NPRL3: variants seen among roughly 807,000 people sequenced by gnomAD.
NPRL3 encodes the protein GATOR1 complex protein NPRL3.
A neutral mutation model predicts 57.2 loss-of-function variants in NPRL3; 23 were observed. The ratio of observed to expected loss-of-function variants is 0.40; its 90% CI spans 0.29 to 0.57. NPRL3 has a LOEUF of 0.57. Among genes scored for constraint, NPRL3 ranks in the 20% least tolerant of loss-of-function variants. The pLI is 0.42. For missense variants in NPRL3, 691 were observed against 767.1 expected (o/e 0.90, Z 1.17); for synonymous variants, 333 against 321.1 (o/e 1.04, Z -0.39).
intron 5 of NPRL3, among the ~76,000 whole-genome samples, chr16:113,906 A>C (rs1292125748): frequency 6.6e-6 from 1 of 152,212 alleles, no homozygotes; most frequent in Non-Finnish European, 1.5e-5. Flanking sequence ...GGATGGACTT[A>C]CAACAAGGCA....
chr16:99,449 C>G (rs1336943040), intron 8 of NPRL3, among the ~76,000 whole-genome samples: 6 of 151,692 alleles, frequency 4.0e-5, no homozygotes, highest in Admixed American at 2.6e-4. Context: ...TCAAGACGAG[C>G]CTGGCCAACA....
chr16:114,390 C>A (rs1332205178), intron 5 of NPRL3, among the ~76,000 whole-genome samples: 1 of 152,202 alleles, frequency 6.6e-6, no homozygotes, highest in Non-Finnish European at 1.5e-5. Context: ...TTTCACCATA[C>A]ACGACATAAA....
chr16:137,598 G>A (rs1016458916), intron 2 of NPRL3, among the ~76,000 whole-genome samples: 1 of 150,836 alleles, frequency 6.6e-6, no homozygotes, highest in Non-Finnish European at 1.5e-5. Flanking sequence ...TGCCCAGGCT[G>A]GAATCCAGTG....
In NPRL3 at chr16:88,793, C is replaced by T. The variant is rs376164029; in HGVS notation, c.1449G>A (p.Thr483=). ...CCGACAGGCTGGCCAGCAGGTTCTCCGTCATCCTCTGGTTCAGTGGCGAGT... is the reference window on the plus strand; with the variant it reads ...CCGACAGGCTGGCCAGCAGGTTCTCTGTCATCCTCTGGTTCAGTGGCGAGT... ...SGDSPLNQRM[T]ENLLASLSEH... Residue 483 remains threonine, a synonymous_variant, in exon 13 of 14, where the codon ACG becomes ACA. Coordinates refer to ENST00000611875, the MANE Select transcript of NPRL3 (RefSeq NM_001077350.3). The T allele has an allele frequency of 2.1e-5, 34 of 1,613,594 alleles. 1 individual carries two copies. The highest frequency in any genetic ancestry group is 4.0e-5 in the African/African-American group (3 of 75,036).
intron 12 of NPRL3, 158 bp from the exon 13 acceptor site, chr16:89,048 G>C (rs947644980): frequency 1.8e-5 from 12 of 670,918 alleles, no homozygotes; most frequent in Middle Eastern, 8.0e-4. Context: ...CCACCTCCTG[G>C]GTGTGACACG....
At chr16:114,439 C>T (rs1273580482) in intron 5 of NPRL3, among the ~76,000 whole-genome samples, 4 of 152,234 alleles carry the variant, frequency 2.6e-5, no homozygotes, top group Non-Finnish European at 5.9e-5. Flanking sequence ...GAGACTTTCT[C>T]ATCCCCAAAA....
intron 6 of NPRL3, among the ~76,000 whole-genome samples, chr16:111,452 A>AT (rs1387773296): frequency 1.9e-4 from 29 of 151,762 alleles, no homozygotes; most frequent in African/African-American, 7.0e-4. Context: ...ATTTTTATTT[A>AT]TTTATTTTTT....
At chr16:133,481 C>A (rs148351691) in intron 2 of NPRL3, among the ~76,000 whole-genome samples, 1 of 152,210 alleles carries the variant, frequency 6.6e-6, no homozygotes, top group African/African-American at 2.4e-5. Context: ...CCGCCCGCCT[C>A]GGCTTCCCAA....
At chr16:129,333 A>G (rs1193692823) in intron 3 of NPRL3, among the ~76,000 whole-genome samples, 1 of 152,102 alleles carries the variant, frequency 6.6e-6, no homozygotes, top group African/African-American at 2.4e-5. Flanking sequence ...CCTGTGACAA[A>G]CCAGAGTTTG....
chr16:86,855 G>A lies in NPRL3; in HGVS notation c.1560C>T (p.Phe520=), dbSNP rs1331215677. ...LRMFARLLHY[F]RGRHHLEEIM... ...TCTCCTCCAGGTGGTGGCGGCCGCGGAAGTAGTGAAGGAGCCTGGAAGGGA... is the reference window on the plus strand; with the variant it reads ...TCTCCTCCAGGTGGTGGCGGCCGCGAAAGTAGTGAAGGAGCCTGGAAGGGA... The change falls in exon 14 of 14, where the codon TTC becomes TTT. Residue 520 remains phenylalanine (F), a synonymous_variant. Coordinates refer to ENST00000611875, the MANE Select transcript of NPRL3 (RefSeq NM_001077350.3). The A allele has an allele frequency of 4.3e-6, 7 of 1,613,158 alleles. No homozygotes were observed. The highest frequency in any genetic ancestry group is 5.9e-6 in the Non-Finnish European group (7 of 1,179,682).
At chr16:96,273 C>G (rs1429252639) in intron 9 of NPRL3, among the ~76,000 whole-genome samples, 1 of 152,186 alleles carries the variant, frequency 6.6e-6, no homozygotes, top group Non-Finnish European at 1.5e-5. Context: ...GTGTCCAGCA[C>G]AAACTCCTGC....
chr16:110,241 C>T (rs1457075850), intron 7 of NPRL3, among the ~76,000 whole-genome samples: 2 of 152,116 alleles, frequency 1.3e-5, no homozygotes, highest in African/African-American at 4.8e-5. Context: ...TGCACTCTAG[C>T]CTGGGCAACA....
chr16:112,678 G>A lies in NPRL3; in HGVS notation c.491C>T (p.Thr164Ile). 6.2e-7 allele frequency: 1 copy of A among 1,609,402 alleles called. No homozygotes were observed. The highest frequency in any genetic ancestry group is 8.5e-7 in the Non-Finnish European group (1 of 1,177,854). The change falls in exon 6 of 14, where the codon ACC (threonine) becomes ATC (isoleucine). Residue 164 changes from threonine to isoleucine, a missense_variant. Physicochemically the swap from Thr to Ile is moderately conservative, Grantham distance 89. Transcript: ENST00000611875. ...QHEERRCQYL[T>I]REAKLILALQ... ...CGCCAGGATCAGCTTGGCCTCCCGG[G>A]TGAGGTACTGGCAGCGGCGCTCCTC...
rs58036849 is a variant in NPRL3, at chr16:88,756, C to T, written c.1486G>A (p.Ala496Thr). 3,380 of 1,613,600 alleles carry T rather than the reference C, an allele frequency of 2.1e-3. 58 individuals are homozygous for T. The African/African-American group carries it at 0.037, about 18-fold the overall frequency. The part of the protein sequence containing the change: ...LLASLSEHER[A>T]AILSVPAAQN... ...GCTGCGGGTACACTGAGGATGGCTG[C>T]GCGTTCATGCTCCGACAGGCTGGCC... The change falls in exon 13 of 14, where the codon GCA becomes ACA. Residue 496 changes from alanine (A) to threonine (T), a missense_variant. Coordinates refer to ENST00000611875, the MANE Select transcript of NPRL3 (RefSeq NM_001077350.3).
chr16:103,191 G>A (rs1268577318), intron 7 of NPRL3, among the ~76,000 whole-genome samples: 1 of 151,572 alleles, frequency 6.6e-6, no homozygotes, highest in East Asian at 1.9e-4. Context: ...GCTCAGGCTG[G>A]AGTGCAGTGG....
intron 7 of NPRL3, among the ~76,000 whole-genome samples, chr16:104,198 C>T (rs1899433836): frequency 6.6e-6 from 1 of 151,144 alleles, no homozygotes. Flanking sequence ...TAGGCTGAGG[C>T]AGGAGAATCA....
chr16:98,332 C>G (rs911402009), intron 8 of NPRL3, 31 bp from the exon 9 acceptor site: 3 of 1,608,492 alleles, frequency 1.9e-6, no homozygotes, highest in African/African-American at 2.7e-5. Flanking sequence ...ACGGAACACA[C>G]GAAGTGCAGG....
intron 5 of NPRL3, among the ~76,000 whole-genome samples, chr16:116,700 C>T (rs1409934672): frequency 1.3e-5 from 2 of 151,834 alleles, no homozygotes; most frequent in Non-Finnish European, 1.5e-5. Flanking sequence ...CAGTGGCTCA[C>T]GCCTGTAATC....
chr16:93,117 C>T, intron 10 of NPRL3, 102 bp downstream of exon 10: 1 of 799,312 alleles, frequency 1.3e-6, no homozygotes, highest in Non-Finnish European at 2.1e-6. Context: ...GCTTCCACAG[C>T]CTTTGGTGCC....
Sources: gnomAD v4.1 joint callset for allele counts (sites outside exome capture counted in the v4.1 genomes callset) on GRCh38, gnomAD v4.1.1 for gene constraint, MANE v1.5 for transcripts, NCBI Gene and HGNC (gene_info 2026-07-23, HGNC 2026-07-21) for gene names.